Variants in CNTN1 observed in about 807,000 individuals in gnomAD.
CNTN1 encodes the protein contactin-1.
A neutral mutation model predicts 126.4 loss-of-function variants in CNTN1; 38 were observed. The observed-to-expected ratio is 0.30, with a 90% CI of 0.23 to 0.39. The LOEUF (loss-of-function observed/expected upper bound fraction) is 0.39. CNTN1 is among the 10% of genes least tolerant of loss of function. The pLI is 1.00. For missense variants in CNTN1, 1,009 were observed against 1,248.4 expected (o/e 0.81, Z 2.89); for synonymous variants, 413 against 422.6 (o/e 0.98, Z 0.28).
chr12:41,052,746 G>A (rs1346909804), intron 23 of CNTN1, among the ~76,000 whole-genome samples: 1 of 151,670 alleles, frequency 6.6e-6, no homozygotes, highest in Non-Finnish European at 1.5e-5. Context: ...AAATACTGTT[G>A]GATTACAATA....
At position 40,975,603 on chromosome 12, in the gene CNTN1, T is replaced by C. The variant is rs563133746; in HGVS notation, c.1805-5306T>C. Among the ~76,000 whole-genome samples the C allele has an allele frequency of 9.2e-5, 14 of 152,162 alleles. No homozygotes were observed. In the South Asian group the frequency reaches 2.9e-3, roughly 32 times the overall value. ...TGGAACATTCTCAGTCAGCATTCTC[T>C]AAGAGGAATTTTTAAAGTGAGAGTG... On this transcript the variant is annotated intron_variant, in intron 15 of 23. Transcript: ENST00000551295.
At chr12:40,719,020 G>T (rs547796810) in intron 1 of CNTN1, among the ~76,000 whole-genome samples, 21 of 151,904 alleles carry the variant, frequency 1.4e-4, no homozygotes, top group Middle Eastern at 3.4e-3. Context: ...TTTTAACAGA[G>T]GCTATTTGAG....
At chr12:40,873,258 A>G (rs1401778210) in intron 1 of CNTN1, among the ~76,000 whole-genome samples, 4 of 152,308 alleles carry the variant, frequency 2.6e-5, no homozygotes, top group African/African-American at 9.6e-5. Context: ...AAATTGCAAG[A>G]ATTATCATTA....
intron 16 of CNTN1, among the ~76,000 whole-genome samples, chr12:40,985,299 G>A (rs978526051): frequency 6.6e-6 from 1 of 151,778 alleles, no homozygotes; most frequent in African/African-American, 2.4e-5. Flanking sequence ...ATATTTACCA[G>A]TATATTTATT....
At chr12:40,806,254 G>T (rs1408555147) in intron 1 of CNTN1, among the ~76,000 whole-genome samples, 1 of 152,048 alleles carries the variant, frequency 6.6e-6, no homozygotes, top group African/African-American at 2.4e-5. Flanking sequence ...TATGCAACTG[G>T]TCTTGGCAGA....
intron 1 of CNTN1, among the ~76,000 whole-genome samples, chr12:40,812,382 T>A (rs969513088): frequency 6.6e-6 from 1 of 152,118 alleles, no homozygotes; most frequent in African/African-American, 2.4e-5. Flanking sequence ...TCTGTGTATG[T>A]CTTGTGTTCA....
At chr12:40,737,412 G>A (rs1344925573) in intron 1 of CNTN1, among the ~76,000 whole-genome samples, 1 of 141,146 alleles carries the variant, frequency 7.1e-6, no homozygotes, top group Admixed American at 7.4e-5. Flanking sequence ...TTACATGATA[G>A]CAAGGTCCCA....
chr12:40,885,000 A>T (rs2136707392), intron 1 of CNTN1, among the ~76,000 whole-genome samples: 1 of 151,702 alleles, frequency 6.6e-6, no homozygotes, highest in South Asian at 2.1e-4. Flanking sequence ...GTTTTTGTTG[A>T]TATATGAAGT....
At chr12:40,825,435 A>G (rs12366695) in intron 1 of CNTN1, among the ~76,000 whole-genome samples, 7,192 of 152,220 alleles carry the variant, frequency 0.047, 266 homozygotes, top group Non-Finnish European at 0.076. Flanking sequence ...ATTTTGATTT[A>G]TCTTATTGAC....
chr12:41,036,233 A>G (rs977987356), intron 23 of CNTN1, among the ~76,000 whole-genome samples: 2 of 152,090 alleles, frequency 1.3e-5, no homozygotes, highest in Non-Finnish European at 2.9e-5. Flanking sequence ...TGACTTCCCA[A>G]TTCTTCCCCT....
At chr12:40,733,811 T>C (rs1186499545) in intron 1 of CNTN1, among the ~76,000 whole-genome samples, 1 of 152,126 alleles carries the variant, frequency 6.6e-6, no homozygotes, top group Non-Finnish European at 1.5e-5. Context: ...AGTCTTCAAT[T>C]GATCCTCACG....
intron 15 of CNTN1, among the ~76,000 whole-genome samples, chr12:40,966,560 A>G (rs1485635971): frequency 1.3e-5 from 2 of 152,224 alleles, no homozygotes; most frequent in African/African-American, 4.8e-5. Context: ...TAGAAAATTT[A>G]AAGTCAGAAC....
intron 1 of CNTN1, among the ~76,000 whole-genome samples, chr12:40,889,941 G>A (rs984480012): frequency 2.6e-5 from 4 of 152,026 alleles, no homozygotes; most frequent in Admixed American, 1.3e-4. Flanking sequence ...GTGAACCACC[G>A]GTATTTGAAA....
intron 1 of CNTN1, among the ~76,000 whole-genome samples, chr12:40,870,046 T>C (rs1202488014): frequency 6.6e-6 from 1 of 152,112 alleles, no homozygotes; most frequent in Non-Finnish European, 1.5e-5. Context: ...GATCTGATGG[T>C]TTCAAAAGTG....
chr12:40,837,905 G>A (rs913234705), intron 1 of CNTN1, among the ~76,000 whole-genome samples: 1 of 152,124 alleles, frequency 6.6e-6, no homozygotes, highest in Non-Finnish European at 1.5e-5. Flanking sequence ...CACTGGTAGT[G>A]GTGGAGTATG....
At chr12:41,005,810 C>G (rs186763212) in intron 17 of CNTN1, among the ~76,000 whole-genome samples, 144 of 152,058 alleles carry the variant, frequency 9.5e-4, no homozygotes, top group Non-Finnish European at 1.7e-3. Context: ...TTTTTTCTGT[C>G]AGTTCCTTCA....
At position 41,007,146 on chromosome 12, in the gene CNTN1, G is replaced by A. The variant is rs377371630; in HGVS notation, c.2114-7082G>A. 4.3e-4 allele frequency among the ~76,000 whole-genome samples: 53 copies of A among 123,642 alleles called. No individual in the cohort carries two copies. The East Asian group carries it at 8.5e-3, about 20-fold the overall frequency. 81.1% of individuals were successfully genotyped at this position (123,642 alleles called of 152,430 possible). A position where few individuals can be genotyped will look rare whatever the true frequency, so the allele number is the denominator to read the frequency against. ...GGGATCTCGGCTCACTGCAAGCTCC[G>A]CCTCCCGGGTTCACGCCATTCTCCT... On this transcript the variant is annotated intron_variant, in intron 17 of 23. Transcript: ENST00000551295.
In CNTN1 at chr12:40,929,859, G is replaced by T. The variant is rs4408370; in HGVS notation, c.560G>T (p.Arg187Leu). ...FPVFITMDKRRFVSQTNGNLY... is the reference protein window; with the variant it reads ...FPVFITMDKRLFVSQTNGNLY... Reference sequence around the variant, plus strand: ...GTATTTATCACAATGGATAAACGGCGATTTGTGTCTCAGACAAATGGCAAT... The same window carrying T: ...GTATTTATCACAATGGATAAACGGCTATTTGTGTCTCAGACAAATGGCAAT... The change falls in exon 7 of 24, where the codon CGA becomes CTA. Residue 187 changes from arginine to leucine, a missense_variant. By Grantham distance (102) the Arg-to-Leu change is moderately radical (BLOSUM62 -2). Coordinates refer to ENST00000551295, the MANE Select transcript of CNTN1 (RefSeq NM_001843.4). 7 of 1,612,676 alleles carry T rather than the reference G, an allele frequency of 4.3e-6. No homozygotes were observed. The African/African-American group carries it at 5.3e-5, about 12-fold the overall frequency.
chr12:40,953,868 AAGAT>A (rs1265923222), intron 14 of CNTN1, among the ~76,000 whole-genome samples: 4 of 152,160 alleles, frequency 2.6e-5, no homozygotes, highest in Non-Finnish European at 1.5e-5. Flanking sequence ...TTAGGGAAAA[AAGAT>A]AGCAATTTCA....
Sources: allele counts gnomAD v4.1 joint callset (sites outside exome capture counted in the v4.1 genomes callset), GRCh38; gene constraint gnomAD v4.1.1; transcripts MANE v1.5; gene names NCBI Gene and HGNC (gene_info 2026-07-23, HGNC 2026-07-21).